Variants in DNAH11 observed in about 807,000 individuals in gnomAD.
DNAH11 encodes the protein dynein axonemal heavy chain 11.
In DNAH11, 442 loss-of-function variants were observed where a neutral mutation model predicts 526.0. That is an observed-to-expected ratio of 0.84 (90% confidence interval 0.78 to 0.91). The LOEUF (loss-of-function observed/expected upper bound fraction) is 0.91. Among genes scored for constraint, DNAH11 ranks in the 40% least tolerant of loss-of-function variants. The probability of loss-of-function intolerance (pLI) is 0.00; values close to 1 mark genes in which losing one functional copy is unlikely to be tolerated. For synonymous variants in DNAH11, 2,461 were observed against 1,935.9 expected, an observed-to-expected ratio of 1.27 and a Z score of -7.12; for missense variants, 6,989 against 5,448.7, an observed-to-expected ratio of 1.28 and a Z score of -8.90.
At chr7:21,765,982 A>G (rs1787170750) in intron 55 of DNAH11, among the ~76,000 whole-genome samples, 1 of 152,182 alleles carries the variant, frequency 6.6e-6, no homozygotes, top group African/African-American at 2.4e-5. Flanking sequence ...TAGTCACCGT[A>G]GCCACGCACT....
chr7:21,901,350 A>AGTAACTCACACGTGCATTC lies in DNAH11; in HGVS notation c.*97_*115dup. 1 of 1,394,558 alleles carries AGTAACTCACACGTGCATTC rather than the reference A, an allele frequency of 7.2e-7. No homozygotes were observed. Among genetic ancestry groups the AGTAACTCACACGTGCATTC allele is most frequent in the Non-Finnish European group, 9.4e-7 (1 of 1,067,444 alleles). The allele number at this position is 1,394,558 out of a possible 1,614,324, so 86.4% of individuals were successfully genotyped here. ...CCCATGCACATTATTCTAACTTTTTAGTAACTCACACGTGCATTCTTTTTT... is the reference window on the plus strand; with the variant it reads ...CCCATGCACATTATTCTAACTTTTTAGTAACTCACACGTGCATTCGTAACTCACACGTGCATTCTTTTTT... On this transcript the variant is annotated 3_prime_UTR_variant, in exon 82 of 82. Transcript: ENST00000409508.
At position 21,645,047 on chromosome 7, in the gene DNAH11, C is replaced by G. The variant is rs574115681; in HGVS notation, c.4944+5982C>G. Reference sequence around the variant, plus strand: ...TATTGTAGCCCCTTTGGAATTCTCTCCATAGCCAATGTATAAGTTGTACAA... The same window carrying G: ...TATTGTAGCCCCTTTGGAATTCTCTGCATAGCCAATGTATAAGTTGTACAA... On this transcript the variant is annotated intron_variant, in intron 28 of 81. Transcript: ENST00000409508. 4.6e-5 allele frequency among the ~76,000 whole-genome samples: 7 copies of G among 152,292 alleles called. No homozygotes were observed. In the East Asian group the frequency reaches 1.3e-3, roughly 29 times the overall value.
intron 74 of DNAH11, among the ~76,000 whole-genome samples, chr7:21,874,985 C>T (rs989660787): frequency 4.6e-5 from 7 of 152,178 alleles, no homozygotes; most frequent in South Asian, 4.1e-4. Context: ...CTTCTTTTCT[C>T]GTAACTTTTG....
rs1314659364 is a variant in DNAH11 at position 21,861,903 on chromosome 7, A to C, written c.11253A>C (p.Glu3751Asp). 2.5e-6 allele frequency: 4 copies of C among 1,613,554 alleles called. No individual in the cohort carries two copies. Among genetic ancestry groups the C allele is most frequent in the Admixed American group, 1.7e-5 (1 of 59,954 alleles). Residue 3751 changes from glutamate (E) to aspartate (D), a missense_variant, in exon 69 of 82, where the codon GAA (glutamate) becomes GAC (aspartate). Transcript: ENST00000409508. ...HRAIEQADKV[E>D]DMQGRISILM... is the part of the protein sequence containing the mutation. ...CGATCGAGCAGGCTGACAAGGTGGA[A>C]GACATGCAGGGACGCATCTCTATCC...
At position 21,744,871 on chromosome 7, in the gene DNAH11, G is replaced by A. The variant is rs201180532; in HGVS notation, c.8318G>A (p.Gly2773Asp). The A allele has an allele frequency of 1.1e-5, 18 of 1,607,290 alleles. No individual in the cohort carries two copies. The East Asian group carries it at 2.0e-4, about 18-fold the overall frequency. The change falls in exon 51 of 82, where the codon GGT (glycine) becomes GAT (aspartate). Residue 2773 changes from glycine (G) to aspartate (D), a missense_variant and splice_region_variant. Transcript: ENST00000409508. ...ATTTTTCTCTTTCTCATCCTGCAGGGTATAGATAGTCACATGCTGCTTCAA... is the reference window on the plus strand; with the variant it reads ...ATTTTTCTCTTTCTCATCCTGCAGGATATAGATAGTCACATGCTGCTTCAA... ...MLETAYKYFEGIDSHMLLQQP... is the reference protein window; with the variant it reads ...MLETAYKYFEDIDSHMLLQQP...
chr7:21,901,448 G>A lies in DNAH11; in HGVS notation c.*194G>A, dbSNP rs190415973. The A allele has an allele frequency of 5.9e-5, 40 of 674,654 alleles. No homozygotes were observed. The highest frequency in any genetic ancestry group is 1.9e-4 in the East Asian group (5 of 26,182). 41.8% of individuals were successfully genotyped at this position (674,654 alleles called of 1,614,324 possible). The stretch of plus-strand genomic sequence containing the variant: ...CTCAGGGCTGAGCGTGGTGGCACAC[G>A]ACTGTAATCCCAGTTACTCAGGAGG... On this transcript the variant is annotated 3_prime_UTR_variant, in exon 82 of 82. Coordinates refer to ENST00000409508, the MANE Select transcript of DNAH11 (RefSeq NM_001277115.2).
chr7:21,683,705 C>A, intron 31 of DNAH11, 79 bp from the exon 32 acceptor site: 1 of 1,399,304 alleles, frequency 7.1e-7, no homozygotes. Flanking sequence ...AAATGTGAAC[C>A]AGTAGAGTTG....
chr7:21,829,642 A>G (rs1214803388), intron 65 of DNAH11, among the ~76,000 whole-genome samples: 1 of 152,208 alleles, frequency 6.6e-6, no homozygotes, highest in African/African-American at 2.4e-5. Context: ...AAATAAATGC[A>G]TTTTGGTTTT....
intron 2 of DNAH11, among the ~76,000 whole-genome samples, chr7:21,549,485 C>G (rs116045681): frequency 6.6e-6 from 1 of 152,042 alleles, no homozygotes; most frequent in African/African-American, 2.4e-5. Context: ...TTGGAGTAGT[C>G]CCAGGCAAAT....
At chr7:21,886,071 A>G (rs1784112366) in intron 76 of DNAH11, among the ~76,000 whole-genome samples, 1 of 152,140 alleles carries the variant, frequency 6.6e-6, no homozygotes, top group African/African-American at 2.4e-5. Context: ...ACACCATATC[A>G]TGTCTATTTC....
At chr7:21,778,788 AAAAC>A (rs1269620898) in intron 56 of DNAH11, among the ~76,000 whole-genome samples, 166 bp from the exon 57 acceptor site, 2 of 152,240 alleles carry the variant, frequency 1.3e-5, no homozygotes, top group East Asian at 3.8e-4. Context: ...CATGTGGAGA[AAAAC>A]AATGTGGCTG....
chr7:21,560,944 A>G (rs910148582), intron 4 of DNAH11, 127 bp from the exon 5 acceptor site: 2 of 648,228 alleles, frequency 3.1e-6, no homozygotes, highest in Non-Finnish European at 2.6e-6. Context: ...AACCAGATAT[A>G]ACTTTGAGTG....
intron 28 of DNAH11, among the ~76,000 whole-genome samples, chr7:21,649,330 A>G (rs900170219): frequency 1.3e-5 from 2 of 152,224 alleles, no homozygotes; most frequent in Non-Finnish European, 2.9e-5. Flanking sequence ...CAAAAGAAGT[A>G]TACAAGAATT....
rs1228238442 is a variant in DNAH11 at position 21,588,593 on chromosome 7, C to T, written c.1930C>T (p.Arg644Ter). 9 of 1,613,538 alleles carry T rather than the reference C, an allele frequency of 5.6e-6. No homozygotes were observed. The highest frequency in any genetic ancestry group is 2.2e-5 in the South Asian group (2 of 91,082). ...GAAATGGGCCCAGCAGGTTCTCCAA[C>T]GACTTCAAATGTTTTGGTCAAACTT... ...NMKWAQQVLQ[R>*]LQMFWSNFAS... The change falls in exon 11 of 82, where the codon CGA becomes TGA. Residue 644 changes from arginine to a stop codon, truncating the protein, a stop_gained. Transcript: ENST00000409508. LOFTEE classifies it high-confidence loss of function.
intron 40 of DNAH11, among the ~76,000 whole-genome samples, chr7:21,709,847 T>C (rs1313573607): frequency 6.6e-6 from 1 of 152,154 alleles, no homozygotes. Flanking sequence ...CTGTCACTTT[T>C]GGCACAAAAT....
rs150021813 is a variant in DNAH11, at chr7:21,879,222, G to C, written c.12196-1480G>C. 1.4e-3 allele frequency among the ~76,000 whole-genome samples: 209 copies of C among 152,066 alleles called. 1 individual carries two copies. In the East Asian group the frequency reaches 0.031, roughly 23 times the overall value. ...TAATCCCAGCACTTTGAGAGGCCGA[G>C]GTGGGTGGATCATGAGATCAGGAGT... On this transcript the variant is annotated intron_variant, in intron 74 of 81. Coordinates refer to ENST00000409508, the MANE Select transcript of DNAH11 (RefSeq NM_001277115.2).
Position 21,543,128 on chromosome 7 carries a change from G to T in DNAH11, c.-118G>T, listed in dbSNP as rs1782648466. The T allele has an allele frequency of 1.4e-6, 2 of 1,433,396 alleles. No homozygotes were observed. The highest frequency in any genetic ancestry group is 1.8e-6 in the Non-Finnish European group (2 of 1,101,010). 88.8% of individuals were successfully genotyped at this position (1,433,396 alleles called of 1,614,324 possible). A position where few individuals can be genotyped will look rare whatever the true frequency, so the allele number is the denominator to read the frequency against. ...CAGCAGGTGGGAGACTAGGGTCTGC[G>T]CTCGCGGCGACCGCGGAGGAGGGTG... On this transcript the variant is annotated 5_prime_UTR_variant, in exon 1 of 82. Transcript: ENST00000409508.
In DNAH11 at chr7:21,738,851, T is replaced by C. The variant is rs369463812; in HGVS notation, c.7796T>C (p.Ile2599Thr). ...VQPHTLIRQH[I>T]DYGHWYDRQK... is the part of the protein sequence containing the mutation. ...CCTCACACCCTGATCCGGCAGCATATTGATTATGGACATTGGTAAGCAAGT... is the reference window on the plus strand; with the variant it reads ...CCTCACACCCTGATCCGGCAGCATACTGATTATGGACATTGGTAAGCAAGT... The change falls in exon 47 of 82, where the codon ATT becomes ACT. Residue 2599 changes from isoleucine to threonine, a missense_variant. Coordinates refer to ENST00000409508, the MANE Select transcript of DNAH11 (RefSeq NM_001277115.2). The C allele has an allele frequency of 2.5e-6, 4 of 1,601,180 alleles. No individual in the cohort carries two copies. Among genetic ancestry groups the C allele is most frequent in the African/African-American group, 1.3e-5 (1 of 74,636 alleles).
chr7:21,595,080 C>T (rs1784816905), intron 14 of DNAH11, among the ~76,000 whole-genome samples: 1 of 152,150 alleles, frequency 6.6e-6, no homozygotes. Context: ...ATACTCTAAA[C>T]TGAGTAGCTT....
Sources: allele counts gnomAD v4.1 joint callset (sites outside exome capture counted in the v4.1 genomes callset), GRCh38; gene constraint gnomAD v4.1.1; transcripts MANE v1.5; gene names NCBI Gene and HGNC (gene_info 2026-07-23, HGNC 2026-07-21).